The following FRMPD4 variants were observed in gnomAD, a reference collection of about 807,000 sequenced individuals.
FRMPD4 encodes the protein FERM and PDZ domain-containing protein 4.
A neutral mutation model predicts 94.1 loss-of-function variants in FRMPD4; 22 were observed. That is an observed-to-expected ratio of 0.23 (90% CI 0.17 to 0.33). The LOEUF (loss-of-function observed/expected upper bound fraction) is 0.33, where lower values mean the gene tolerates loss of function less well. Among genes scored for constraint, FRMPD4 ranks in the 10% least tolerant of loss-of-function variants. FRMPD4 has a pLI of 1.00. For synonymous variants in FRMPD4, 631 were observed against 548.6 expected, an observed-to-expected ratio of 1.15 and a Z score of -2.10; for missense variants, 1,111 against 1,339.9, an observed-to-expected ratio of 0.83 and a Z score of 2.67.
intron 1 of FRMPD4, among the ~76,000 whole-genome samples, chrX:12,225,697 T>C (rs1367795670): frequency 8.9e-6 from 1 of 112,275 alleles, no homozygotes; most frequent in Non-Finnish European, 1.9e-5. Flanking sequence ...AGCAACATTG[T>C]AATGGGTAGA....
intron 1 of FRMPD4, among the ~76,000 whole-genome samples, chrX:12,249,119 A>G (rs1458616377): frequency 8.9e-6 from 1 of 112,976 alleles, no homozygotes; most frequent in Non-Finnish European, 1.9e-5. Context: ...GACATTTTCT[A>G]GTATCATTAT....
rs553192812 is a variant in FRMPD4, at chrX:12,254,416, A to G, written c.41+115404A>G. On this transcript the variant is annotated intron_variant, in intron 1 of 16. Transcript: ENST00000675598. ...GTATAACCTGGTAGGCAGCTGAAAC[A>G]GCTTGCTTTGGGATTCAAAGAAATT... 5.5e-4 allele frequency among the ~76,000 whole-genome samples: 62 copies of G among 112,191 alleles called. No individual in the cohort carries two copies. In the South Asian group the frequency reaches 0.022, roughly 40 times the overall value.
intron 4 of FRMPD4, among the ~76,000 whole-genome samples, chrX:12,630,890 A>G (rs764441379): frequency 8.9e-6 from 1 of 111,850 alleles, no homozygotes; most frequent in Non-Finnish European, 1.9e-5. Context: ...GGAGTTTGTC[A>G]ATCACATAAA....
intron 1 of FRMPD4, among the ~76,000 whole-genome samples, chrX:12,450,016 A>T (rs904115885): frequency 9.0e-5 from 10 of 110,535 alleles, no homozygotes; most frequent in Non-Finnish European, 1.7e-4. Context: ...AAGAAATTAT[A>T]GGCAGAAATT....
At chrX:12,274,500 C>T (rs1306307019) in intron 1 of FRMPD4, among the ~76,000 whole-genome samples, 2 of 112,424 alleles carry the variant, frequency 1.8e-5, no homozygotes, top group Non-Finnish European at 3.8e-5. Flanking sequence ...TGTTGACTTT[C>T]GTAGTTTCGG....
chrX:12,721,958 ATATTTTGT>A lies in FRMPD4; in HGVS notation c.*107_*114del. 1 of 297,985 alleles carries A rather than the reference ATATTTTGT, an allele frequency of 3.4e-6. No individual in the cohort carries two copies. 24.6% of individuals were successfully genotyped at this position (297,985 alleles called of 1,213,427 possible). A position where few individuals can be genotyped will look rare whatever the true frequency, so the allele number is the denominator to read the frequency against. On this transcript the variant is annotated 3_prime_UTR_variant, in exon 17 of 17. Coordinates refer to ENST00000675598, the MANE Select transcript of FRMPD4 (RefSeq NM_001368397.1). The stretch of plus-strand genomic sequence containing the variant: ...CAGATGTCTCCTTTCTTCTCTCTGT[ATATTTTGT>A]TATTTTATATAAAATAGGAGATAAA...
At chrX:12,365,514 T>A (rs2056061409) in intron 1 of FRMPD4, among the ~76,000 whole-genome samples, 1 of 112,039 alleles carries the variant, frequency 8.9e-6, no homozygotes, top group African/African-American at 3.3e-5. Context: ...TTCAGTTTTG[T>A]GGCTCCTATT....
intron 3 of FRMPD4, among the ~76,000 whole-genome samples, chrX:12,074,032 A>G (rs1206427478): frequency 8.9e-6 from 1 of 111,943 alleles, no homozygotes; most frequent in Non-Finnish European, 1.9e-5. Flanking sequence ...ATTGTTTGCT[A>G]AATTTTCTTA....
chrX:11,913,865 C>G (rs1401054084), intron 3 of FRMPD4, among the ~76,000 whole-genome samples: 1 of 111,903 alleles, frequency 8.9e-6, no homozygotes, highest in Admixed American at 9.5e-5. Flanking sequence ...AGTGAGCGAG[C>G]AGAGGCAGGG....
intron 3 of FRMPD4, among the ~76,000 whole-genome samples, chrX:12,051,937 A>G (rs2054820947): frequency 8.9e-6 from 1 of 111,837 alleles, no homozygotes; most frequent in Non-Finnish European, 1.9e-5. Context: ...AGAAGCACAG[A>G]AGAGGGAAGT....
intron 3 of FRMPD4, among the ~76,000 whole-genome samples, chrX:12,057,991 A>G (rs1208693116): frequency 4.5e-5 from 5 of 111,203 alleles, no homozygotes; most frequent in Non-Finnish European, 3.8e-5. Flanking sequence ...AAGCATCTGC[A>G]TGTTATGCAC....
chrX:12,157,625 G>A (rs964582261), intron 1 of FRMPD4, among the ~76,000 whole-genome samples: 2 of 112,189 alleles, frequency 1.8e-5, no homozygotes, highest in African/African-American at 6.5e-5. Context: ...TGAAAGGAGC[G>A]TTTGGGGTTC....
chrX:12,077,693 T>G (rs1391908602), intron 3 of FRMPD4, among the ~76,000 whole-genome samples: 1 of 111,268 alleles, frequency 9.0e-6, no homozygotes, highest in African/African-American at 3.3e-5. Context: ...TTCTCTTTGA[T>G]GCACTGCTGC....
At chrX:12,702,660 A>AG (rs1189009396) in intron 10 of FRMPD4, among the ~76,000 whole-genome samples, 1 of 112,682 alleles carries the variant, frequency 8.9e-6, no homozygotes, top group East Asian at 2.8e-4. Context: ...TTCACCCACC[A>AG]GGGGGCAAAA....
At position 12,385,105 on chromosome X, in the gene FRMPD4, C is replaced by T. The variant is rs1007522494; in HGVS notation, c.42-113575C>T. Among the ~76,000 whole-genome samples, 3 of 112,217 alleles carry T rather than the reference C, an allele frequency of 2.7e-5. No homozygotes were observed. The Admixed American group carries it at 2.8e-4, about 11-fold the overall frequency. On this transcript the variant is annotated intron_variant, in intron 1 of 16. Transcript: ENST00000675598. ...GTTTGATTCTTTATGTTCTGTTTCTCATGGTATGTTTCCCAATTGTAAGTC... is the reference window on the plus strand; with the variant it reads ...GTTTGATTCTTTATGTTCTGTTTCTTATGGTATGTTTCCCAATTGTAAGTC...
intron 3 of FRMPD4, among the ~76,000 whole-genome samples, chrX:11,950,161 ACTGT>A (rs1225039085): frequency 1.8e-5 from 2 of 111,169 alleles, no homozygotes; most frequent in Non-Finnish European, 3.8e-5. Flanking sequence ...TGGTTTTATA[ACTGT>A]CTGGCATTTT....
At chrX:12,217,898 T>C (rs1463226698) in intron 1 of FRMPD4, among the ~76,000 whole-genome samples, 1 of 112,033 alleles carries the variant, frequency 8.9e-6, no homozygotes, top group Admixed American at 9.5e-5. Context: ...AACTAATTTT[T>C]AGATTTTTTT....
intron 1 of FRMPD4, among the ~76,000 whole-genome samples, chrX:12,441,572 C>A (rs1304493582): frequency 8.9e-6 from 1 of 111,766 alleles, no homozygotes; most frequent in East Asian, 2.8e-4. Flanking sequence ...TGGGGCAGGG[C>A]ATTTTGCCAC....
chrX:11,932,109 G>A (rs1051624795), intron 3 of FRMPD4, among the ~76,000 whole-genome samples: 1 of 111,483 alleles, frequency 9.0e-6, no homozygotes, highest in African/African-American at 3.3e-5. Flanking sequence ...TGCTAGGCCC[G>A]GGGAAGACTC....
Sources: allele counts gnomAD v4.1 joint callset (sites outside exome capture counted in the v4.1 genomes callset), GRCh38; gene constraint gnomAD v4.1.1; transcripts MANE v1.5; gene names NCBI Gene and HGNC (gene_info 2026-07-23, HGNC 2026-07-21).